The following SLC25A21 variants were observed in gnomAD, a reference collection of about 807,000 sequenced individuals.
SLC25A21 encodes solute carrier family 25 member 21, also known as mitochondrial 2-oxodicarboxylate carrier.
SLC25A21 carries 47 observed loss-of-function variants against 43.8 expected under a neutral mutation model. The ratio of observed to expected loss-of-function variants is 1.07; its 90% CI spans 0.85 to 1.37. SLC25A21 has a LOEUF of 1.37. SLC25A21 is among the 40% of genes most tolerant of loss of function. The pLI, the probability that SLC25A21 is intolerant of heterozygous loss-of-function variation, is 0.00. For synonymous variants in SLC25A21, 131 were observed against 121.3 expected, an observed-to-expected ratio of 1.08 and a Z score of -0.52; for missense variants, 352 against 350.2, an observed-to-expected ratio of 1.00 and a Z score of -0.04.
intron 2 of SLC25A21, among the ~76,000 whole-genome samples, chr14:36,819,450 C>A (rs189246705): frequency 3.4e-4 from 51 of 152,126 alleles, no homozygotes; most frequent in African/African-American, 1.2e-3. Flanking sequence ...TCATTGTGTG[C>A]TCAGTGATAT....
At chr14:36,989,603 T>C (rs1391865496) in intron 1 of SLC25A21, among the ~76,000 whole-genome samples, 2 of 152,118 alleles carry the variant, frequency 1.3e-5, no homozygotes, top group African/African-American at 4.8e-5. Context: ...ATTTTAACTT[T>C]TAAAGGTTTC....
At chr14:36,696,319 AT>A (rs1883022997) in intron 7 of SLC25A21, among the ~76,000 whole-genome samples, 1 of 152,178 alleles carries the variant, frequency 6.6e-6, no homozygotes, top group African/African-American at 2.4e-5. Flanking sequence ...CCAGTATTTT[AT>A]TGAGGATTTT....
intron 2 of SLC25A21, among the ~76,000 whole-genome samples, chr14:36,866,789 C>T (rs1404147820): frequency 1.3e-5 from 2 of 152,072 alleles, no homozygotes; most frequent in African/African-American, 2.4e-5. Context: ...TTGAGATGTG[C>T]TCTAAGTGTA....
At chr14:36,720,168 T>C (rs571891671) in intron 6 of SLC25A21, among the ~76,000 whole-genome samples, 161 of 152,204 alleles carry the variant, frequency 1.1e-3, no homozygotes, top group Non-Finnish European at 1.5e-3. Context: ...AGTTCCTTTG[T>C]TCCATCGCTG....
At chr14:37,082,565 T>G (rs552836783) in intron 1 of SLC25A21, among the ~76,000 whole-genome samples, 1 of 152,196 alleles carries the variant, frequency 6.6e-6, no homozygotes, top group East Asian at 1.9e-4. Context: ...CTGATGGTTA[T>G]GAAGAATGAA....
At chr14:36,874,852 A>C in intron 2 of SLC25A21, 104 bp downstream of exon 2, 2 of 824,354 alleles carry the variant, frequency 2.4e-6, no homozygotes, top group Non-Finnish European at 3.8e-6. Flanking sequence ...GCCATTACAG[A>C]GAGAAGCTAC....
At chr14:37,060,379 CTAATAATAATAATAATAATAATAA>C (rs71124787) in intron 1 of SLC25A21, among the ~76,000 whole-genome samples, 6 of 138,116 alleles carry the variant, frequency 4.3e-5, no homozygotes, top group African/African-American at 1.3e-4. Flanking sequence ...ACTCTACTCT[CTAATAATAATAATAATAATAATAA>C]TAATAATAAT....
chr14:36,859,076 A>C (rs1042585556), intron 2 of SLC25A21, among the ~76,000 whole-genome samples: 2 of 152,200 alleles, frequency 1.3e-5, no homozygotes, highest in African/African-American at 2.4e-5. Context: ...TTTCAGAATA[A>C]AAGGCTGGAA....
chr14:37,121,430 G>A (rs1963205619), intron 1 of SLC25A21, among the ~76,000 whole-genome samples: 2 of 152,138 alleles, frequency 1.3e-5, no homozygotes, highest in African/African-American at 4.8e-5. Context: ...AGTGAGGGAG[G>A]TACAAAACAA....
chr14:36,896,533 C>T (rs908923664), intron 1 of SLC25A21, among the ~76,000 whole-genome samples: 2 of 152,120 alleles, frequency 1.3e-5, no homozygotes, highest in Non-Finnish European at 2.9e-5. Context: ...GCATTTAGCC[C>T]ATTTACATTT....
At chr14:36,768,620 C>G (rs1217198341) in intron 3 of SLC25A21, among the ~76,000 whole-genome samples, 1 of 152,086 alleles carries the variant, frequency 6.6e-6, no homozygotes. Context: ...TTCAGACAGA[C>G]CTGGATCCAA....
In SLC25A21 at chr14:36,678,470, T is replaced by C; in HGVS notation, c.*2188A>G. The C allele has an allele frequency of 6.5e-7, 1 of 1,534,510 alleles. No individual in the cohort carries two copies. The highest frequency in any genetic ancestry group is 1.2e-5 in the South Asian group (1 of 84,000). On this transcript the variant is annotated 3_prime_UTR_variant, in exon 10 of 10. Transcript: ENST00000331299. Reference sequence around the variant, plus strand: ...TGATCTTGTAAAACTTCCATTGACATCTGGAGTTCCCAGTCTGGTGAGAAA... The same window carrying C: ...TGATCTTGTAAAACTTCCATTGACACCTGGAGTTCCCAGTCTGGTGAGAAA...
rs1882169149 is a variant in SLC25A21, at chr14:36,680,314, C to G, written c.*344G>C. The G allele has an allele frequency of 1.0e-6, 1 of 998,716 alleles. No individual in the cohort carries two copies. Among genetic ancestry groups the G allele is most frequent in the Non-Finnish European group, 1.2e-6 (1 of 838,810 alleles). The allele number at this position is 998,716 out of a possible 1,614,324, so 61.9% of individuals were successfully genotyped here. A position where few individuals can be genotyped will look rare whatever the true frequency, so the allele number is the denominator to read the frequency against. ...TAGACCTCTTAGGAAAAATGCTGAT[C>G]AATACAATGAATTTTCATTGTGAAG... is the stretch of plus-strand genomic sequence containing the variant. On this transcript the variant is annotated 3_prime_UTR_variant, in exon 10 of 10. Coordinates refer to ENST00000331299, the MANE Select transcript of SLC25A21 (RefSeq NM_030631.4).
chr14:36,960,976 C>A (rs1959476594), intron 1 of SLC25A21, among the ~76,000 whole-genome samples: 1 of 152,148 alleles, frequency 6.6e-6, no homozygotes, highest in South Asian at 2.1e-4. Context: ...CATGCTGTCC[C>A]CACTGTAAAA....
intron 6 of SLC25A21, among the ~76,000 whole-genome samples, chr14:36,716,038 C>T (rs1157055822): frequency 6.6e-6 from 1 of 152,072 alleles, no homozygotes; most frequent in African/African-American, 2.4e-5. Flanking sequence ...TTGCATTGAG[C>T]AGAGATCGTG....
chr14:36,963,011 T>C (rs1959530926), intron 1 of SLC25A21, among the ~76,000 whole-genome samples: 1 of 152,224 alleles, frequency 6.6e-6, no homozygotes, highest in Non-Finnish European at 1.5e-5. Flanking sequence ...ATTTTTAGTT[T>C]TTGGCAGAAA....
At chr14:36,732,376 C>T (rs545743848) in intron 4 of SLC25A21, among the ~76,000 whole-genome samples, 87 of 152,138 alleles carry the variant, frequency 5.7e-4, no homozygotes, top group African/African-American at 2.0e-3. Flanking sequence ...ATGTGTGAAG[C>T]TCAAGACTGG....
chr14:36,830,914 C>T (rs1889017125), intron 2 of SLC25A21, among the ~76,000 whole-genome samples: 1 of 152,138 alleles, frequency 6.6e-6, no homozygotes. Flanking sequence ...TCTCTCAGCT[C>T]CCTGCCAAAC....
intron 2 of SLC25A21, among the ~76,000 whole-genome samples, chr14:36,838,473 A>G (rs1014306470): frequency 7.2e-5 from 11 of 152,162 alleles, no homozygotes; most frequent in Middle Eastern, 3.2e-3. Flanking sequence ...CTTTTGCTAA[A>G]TAAATTGGGA....
Sources: gnomAD v4.1 joint callset for allele counts (sites outside exome capture counted in the v4.1 genomes callset) on GRCh38, gnomAD v4.1.1 for gene constraint, MANE v1.5 for transcripts, NCBI Gene and HGNC (gene_info 2026-07-23, HGNC 2026-07-21) for gene names.